SOCS5: variants seen among roughly 807,000 people sequenced by gnomAD.
SOCS5 encodes the protein suppressor of cytokine signaling 5, also known as CIS-6.
SOCS5 carries 32 observed loss-of-function variants against 42.8 expected under a neutral mutation model. The observed-to-expected ratio is 0.75, with a 90% confidence interval of 0.56 to 1.01. The LOEUF (loss-of-function observed/expected upper bound fraction) is 1.01, where lower values mean the gene tolerates loss of function less well. SOCS5 is among the 50% of genes least tolerant of loss of function. The probability of loss-of-function intolerance (pLI) is 0.00; values close to 1 mark genes in which losing one functional copy is unlikely to be tolerated. For synonymous variants in SOCS5, 283 were observed against 229.6 expected, an observed-to-expected ratio of 1.23 and a Z score of -2.10; for missense variants, 627 against 653.0, an observed-to-expected ratio of 0.96 and a Z score of 0.43.
intron 1 of SOCS5, among the ~76,000 whole-genome samples, chr2:46,727,060 A>G (rs935167228): frequency 6.6e-6 from 1 of 151,076 alleles, no homozygotes; most frequent in Admixed American, 6.6e-5. Context: ...CCAGCCTAAA[A>G]TTTTCATTCT....
chr2:46,748,784 G>A (rs921113017), intron 1 of SOCS5, among the ~76,000 whole-genome samples: 2 of 152,066 alleles, frequency 1.3e-5, no homozygotes, highest in African/African-American at 4.8e-5. Context: ...TGTGATACTT[G>A]ATCTAAACTG....
intron 1 of SOCS5, among the ~76,000 whole-genome samples, chr2:46,731,548 C>T (rs575734541): frequency 1.3e-5 from 2 of 152,330 alleles, no homozygotes; most frequent in East Asian, 1.9e-4. Flanking sequence ...AAAGGACTTA[C>T]GCAAAAATGT....
intron 1 of SOCS5, among the ~76,000 whole-genome samples, chr2:46,747,881 A>C: frequency 6.6e-6 from 1 of 152,224 alleles, no homozygotes; most frequent in Non-Finnish European, 1.5e-5. Context: ...TATTTAAAAA[A>C]TCTTTTCAGA....
chr2:46,744,878 A>G (rs771724866), intron 1 of SOCS5, among the ~76,000 whole-genome samples: 2 of 150,288 alleles, frequency 1.3e-5, no homozygotes, highest in South Asian at 4.3e-4. Context: ...TGTGGTTTCT[A>G]TTTAGTGCTT....
chr2:46,706,101 G>A (rs542219117), intron 1 of SOCS5, among the ~76,000 whole-genome samples: 29 of 152,254 alleles, frequency 1.9e-4, no homozygotes, highest in African/African-American at 6.5e-4. Context: ...CAAAAATGAT[G>A]TTATATAAAA....
At chr2:46,755,355 A>C (rs865811743) in intron 1 of SOCS5, among the ~76,000 whole-genome samples, 1 of 152,296 alleles carries the variant, frequency 6.6e-6, no homozygotes. Flanking sequence ...TTTGTAATAG[A>C]TACTAGTTGG....
intron 1 of SOCS5, among the ~76,000 whole-genome samples, chr2:46,714,269 G>T (rs1274282403): frequency 6.6e-6 from 1 of 152,128 alleles, no homozygotes; most frequent in African/African-American, 2.4e-5. Context: ...GGATTTGTCT[G>T]TTTCTTCTTT....
intron 1 of SOCS5, among the ~76,000 whole-genome samples, chr2:46,734,161 G>A (rs1673190031): frequency 6.6e-6 from 1 of 151,946 alleles, no homozygotes; most frequent in Non-Finnish European, 1.5e-5. Flanking sequence ...AGTTGGTGCT[G>A]TTTTTTATTT....
intron 1 of SOCS5, among the ~76,000 whole-genome samples, chr2:46,727,651 C>G (rs891499778): frequency 1.3e-5 from 2 of 152,104 alleles, no homozygotes; most frequent in African/African-American, 4.8e-5. Flanking sequence ...CTGTTCCAGT[C>G]AGTTCGAGAT....
chr2:46,724,912 A>G (rs1432159097), intron 1 of SOCS5, among the ~76,000 whole-genome samples: 1 of 151,272 alleles, frequency 6.6e-6, no homozygotes, highest in Non-Finnish European at 1.5e-5. Context: ...CTTCTGGTTG[A>G]TATTTTTGTC....
rs1673849723 is a variant in SOCS5, at chr2:46,760,775, T to G, written c.*634T>G. On this transcript the variant is annotated 3_prime_UTR_variant, in exon 2 of 2. Transcript: ENST00000394861. The stretch of plus-strand genomic sequence containing the variant: ...ATAGGCATTCTTAAAATTTCAGACT[T>G]ACAAAGCTAGTAGTAGAATTTTATT... 1 of 167,140 alleles carries G rather than the reference T, an allele frequency of 6.0e-6. No homozygotes were observed. Among genetic ancestry groups the G allele is most frequent in the Non-Finnish European group, 1.5e-5 (1 of 68,130 alleles). The allele number at this position is 167,140 out of a possible 1,614,324, so 10.4% of individuals were successfully genotyped here.
At chr2:46,720,750 G>A (rs1672860326) in intron 1 of SOCS5, among the ~76,000 whole-genome samples, 1 of 152,276 alleles carries the variant, frequency 6.6e-6, no homozygotes, top group African/African-American at 2.4e-5. Flanking sequence ...GACAGCTGAT[G>A]CATCATAGGG....
At position 46,699,499 on chromosome 2, in the gene SOCS5, C is replaced by A; in HGVS notation, c.-13+50C>A. The A allele has an allele frequency of 6.6e-6, 1 of 151,882 alleles. No homozygotes were observed. Among genetic ancestry groups the A allele is most frequent in the South Asian group, 1.8e-4 (1 of 5,478 alleles). The allele number at this position is 151,882 out of a possible 1,614,324, so 9.4% of individuals were successfully genotyped here. A position where few individuals can be genotyped will look rare whatever the true frequency, so the allele number is the denominator to read the frequency against. ...GGCCCGCCGCCTGCTCCCCGGCCCC[C>A]GCGCCGTCGTCCGCGGCCGCCTCTC... On this transcript the variant is annotated intron_variant, in intron 1 of 1. Coordinates refer to ENST00000394861, the MANE Select transcript of SOCS5 (RefSeq NM_144949.3). The surrounding 1 kb of genome is among the most constrained non-coding windows in gnomAD (Gnocchi z 4.8).
chr2:46,748,218 C>T (rs1468696070), intron 1 of SOCS5, among the ~76,000 whole-genome samples: 3 of 146,634 alleles, frequency 2.0e-5, no homozygotes, highest in African/African-American at 7.5e-5. Flanking sequence ...CACAGTCTCA[C>T]TCTGTCACCC....
Position 46,760,881 on chromosome 2 carries a change from G to A in SOCS5, c.*740G>A. The A allele has an allele frequency of 6.0e-6, 1 of 167,166 alleles. No individual in the cohort carries two copies. Among genetic ancestry groups the A allele is most frequent in the South Asian group, 2.1e-4 (1 of 4,822 alleles). 10.4% of individuals were successfully genotyped at this position (167,166 alleles called of 1,614,324 possible). A position where few individuals can be genotyped will look rare whatever the true frequency, so the allele number is the denominator to read the frequency against. On this transcript the variant is annotated 3_prime_UTR_variant, in exon 2 of 2. Transcript: ENST00000394861. ...GGAATAGCTGCTGCAATGTAGTCTTGTGTGTGATTTTTTTTTAAGTTGATG... is the reference window on the plus strand; with the variant it reads ...GGAATAGCTGCTGCAATGTAGTCTTATGTGTGATTTTTTTTTAAGTTGATG...
intron 1 of SOCS5, among the ~76,000 whole-genome samples, chr2:46,711,166 C>A (rs1175239036): frequency 6.6e-6 from 1 of 152,162 alleles, no homozygotes; most frequent in Non-Finnish European, 1.5e-5. Context: ...TGGGTCAATA[C>A]ATGAAGTGGA....
chr2:46,754,205 G>A (rs996225972), intron 1 of SOCS5, among the ~76,000 whole-genome samples: 3 of 152,094 alleles, frequency 2.0e-5, no homozygotes, highest in African/African-American at 4.8e-5. Flanking sequence ...CATATTGTCT[G>A]TATTGGGGAA....
At chr2:46,721,890 T>C (rs1327590150) in intron 1 of SOCS5, among the ~76,000 whole-genome samples, 1 of 152,092 alleles carries the variant, frequency 6.6e-6, no homozygotes, top group East Asian at 1.9e-4. Flanking sequence ...GTGCATGTTT[T>C]TGGTGTCAGA....
chr2:46,749,229 C>T lies in SOCS5; in HGVS notation c.-12-9290C>T, dbSNP rs528503756. ...TGCAGAACTGACTCAGCAATAATCT[C>T]TCCCTAGTCATAAAACAGCCTTACT... On this transcript the variant is annotated intron_variant, in intron 1 of 1. Coordinates refer to ENST00000394861, the MANE Select transcript of SOCS5 (RefSeq NM_144949.3). Among the ~76,000 whole-genome samples, 5 of 152,324 alleles carry T rather than the reference C, an allele frequency of 3.3e-5. No homozygotes were observed. In the South Asian group the frequency reaches 8.3e-4, roughly 25 times the overall value.
Sources: allele counts gnomAD v4.1 joint callset (sites outside exome capture counted in the v4.1 genomes callset), GRCh38; gene constraint gnomAD v4.1.1; non-coding constraint Gnocchi (gnomAD v3.1); transcripts MANE v1.5; gene names NCBI Gene and HGNC (gene_info 2026-07-23, HGNC 2026-07-21).